SPAG9: variants seen among roughly 807,000 people sequenced by gnomAD.
The protein encoded by SPAG9 is C-Jun-amino-terminal kinase-interacting protein 4.
Under a neutral mutation model 166.5 loss-of-function variants are expected in SPAG9, and 35 were observed. The observed-to-expected ratio is 0.21, with a 90% confidence interval of 0.16 to 0.28. The LOEUF is 0.28. SPAG9 is among the 10% of genes least tolerant of loss of function. SPAG9 has a pLI of 1.00. For missense variants in SPAG9, 1,235 were observed against 1,603.3 expected (o/e 0.77, Z 3.92); for synonymous variants, 534 against 565.5 (o/e 0.94, Z 0.79).
chr17:50,977,097 A>G lies in SPAG9; in HGVS notation c.3523+11T>C. The G allele has an allele frequency of 6.6e-7, 1 of 1,526,622 alleles. No homozygotes were observed. Among genetic ancestry groups the G allele is most frequent in the Admixed American group, 1.7e-5 (1 of 58,900 alleles). The allele number at this position is 1,526,622 out of a possible 1,614,324, so 94.6% of individuals were successfully genotyped here. A position where few individuals can be genotyped will look rare whatever the true frequency, so the allele number is the denominator to read the frequency against. The stretch of plus-strand genomic sequence containing the variant: ...ATTTGTTCCATGGCAGTTATCTAAA[A>G]ATATACTTACTTTCTGTCAATGGGA... On this transcript the variant is annotated intron_variant, in intron 27 of 29. Transcript: ENST00000262013.
chr17:51,024,001 G>A (rs896883053), intron 6 of SPAG9, among the ~76,000 whole-genome samples: 1 of 152,142 alleles, frequency 6.6e-6, no homozygotes, highest in African/African-American at 2.4e-5. Flanking sequence ...AATACAATAC[G>A]AAAGGCATTA....
chr17:50,997,863 T>C (rs1012864437), intron 15 of SPAG9, among the ~76,000 whole-genome samples: 1 of 152,062 alleles, frequency 6.6e-6, no homozygotes, highest in Admixed American at 6.5e-5. Context: ...CTAAAGGCCA[T>C]TCACATTTCT....
intron 2 of SPAG9, among the ~76,000 whole-genome samples, chr17:51,074,250 A>T (rs1163098618): frequency 6.6e-6 from 1 of 150,954 alleles, no homozygotes; most frequent in African/African-American, 2.4e-5. Flanking sequence ...AAATAAAAAC[A>T]AAACAAAACA....
At chr17:51,015,669 A>G (rs941929042) in intron 8 of SPAG9, among the ~76,000 whole-genome samples, 1 of 152,132 alleles carries the variant, frequency 6.6e-6, no homozygotes, top group Non-Finnish European at 1.5e-5. Flanking sequence ...TTCGTAAAAT[A>G]GCAAGATGGT....
intron 3 of SPAG9, among the ~76,000 whole-genome samples, chr17:51,054,157 C>T (rs2047290988): frequency 8.1e-6 from 1 of 123,622 alleles, no homozygotes; most frequent in Admixed American, 1.0e-4. Flanking sequence ...GGGTCTGTTG[C>T]CCAGGCTGGA....
At chr17:51,077,216 C>T (rs778305357) in intron 2 of SPAG9, among the ~76,000 whole-genome samples, 1 of 150,288 alleles carries the variant, frequency 6.7e-6, no homozygotes, top group Non-Finnish European at 1.5e-5. Flanking sequence ...CTCCACCTCC[C>T]GGGGTCAAGC....
At chr17:51,095,297 A>G (rs145010459) in intron 1 of SPAG9, among the ~76,000 whole-genome samples, 2 of 66,398 alleles carry the variant, frequency 3.0e-5, no homozygotes, top group African/African-American at 8.2e-5. Context: ...CTCCATCTTT[A>G]AAAAAAAAAA....
In SPAG9 at chr17:51,120,229, G is replaced by A; in HGVS notation, c.303+125C>T. On this transcript the variant is annotated intron_variant, in intron 1 of 29. Coordinates refer to ENST00000262013, the MANE Select transcript of SPAG9 (RefSeq NM_001130528.3). The surrounding 1 kb of genome is among the most constrained non-coding windows in gnomAD (Gnocchi z 4.7). ...GAGGCCGCCGGGATCGGTCCCAGGGGGCATCGGCCTCAGGCCCGCCCTCCA... is the reference window on the plus strand; with the variant it reads ...GAGGCCGCCGGGATCGGTCCCAGGGAGCATCGGCCTCAGGCCCGCCCTCCA... 2.4e-6 allele frequency: 2 copies of A among 820,714 alleles called. No homozygotes were observed. The highest frequency in any genetic ancestry group is 3.1e-5 in the East Asian group (1 of 32,204). 50.8% of individuals were successfully genotyped at this position (820,714 alleles called of 1,614,324 possible). A position where few individuals can be genotyped will look rare whatever the true frequency, so the allele number is the denominator to read the frequency against.
intron 3 of SPAG9, among the ~76,000 whole-genome samples, chr17:51,055,044 A>T (rs1208840662): frequency 1.3e-5 from 2 of 152,100 alleles, no homozygotes; most frequent in Non-Finnish European, 2.9e-5. Context: ...ACATTTTTTT[A>T]AATAAATAAA....
intron 9 of SPAG9, chr17:51,009,125 A>G (rs1398668408): frequency 2.2e-6 from 1 of 450,992 alleles, no homozygotes; most frequent in Admixed American, 2.4e-5. Context: ...TCAAAATCAT[A>G]CACACCAGAA....
At chr17:51,063,607 G>A (rs1425823059) in intron 2 of SPAG9, among the ~76,000 whole-genome samples, 2 of 152,122 alleles carry the variant, frequency 1.3e-5, no homozygotes, top group Non-Finnish European at 2.9e-5. Flanking sequence ...GCCAGGGCCA[G>A]TTGTAGTGGC....
intron 27 of SPAG9, 184 bp downstream of exon 27, chr17:50,976,924 G>A (rs1319313484): frequency 3.9e-6 from 2 of 507,534 alleles, no homozygotes; most frequent in East Asian, 3.4e-5. Flanking sequence ...TTAATTATGA[G>A]TATTGGTCTT....
rs200650276 is a variant in SPAG9 at position 50,970,665 on chromosome 17, T to G, written c.3850+42A>C. The G allele has an allele frequency of 7.0e-6, 11 of 1,567,640 alleles. No homozygotes were observed. The Admixed American group carries it at 1.9e-4, about 27-fold the overall frequency. Reference sequence around the variant, plus strand: ...TTACTTTGGGACAAAACCCAAGTCATAGCACACAGTGCAAACTGAGCACCC... The same window carrying G: ...TTACTTTGGGACAAAACCCAAGTCAGAGCACACAGTGCAAACTGAGCACCC... On this transcript the variant is annotated intron_variant, in intron 29 of 29. Coordinates refer to ENST00000262013, the MANE Select transcript of SPAG9 (RefSeq NM_001130528.3).
At chr17:50,975,638 G>T (rs1218282387) in intron 27 of SPAG9, among the ~76,000 whole-genome samples, 1 of 151,602 alleles carries the variant, frequency 6.6e-6, no homozygotes, top group African/African-American at 2.4e-5. Flanking sequence ...AAGTCTGAAA[G>T]AAAGTTCAGC....
intron 1 of SPAG9, among the ~76,000 whole-genome samples, chr17:51,113,878 C>T (rs1371232455): frequency 6.6e-6 from 1 of 151,758 alleles, no homozygotes; most frequent in Non-Finnish European, 1.5e-5. Context: ...TCCTGTAGTC[C>T]CAGCTATTCC....
intron 2 of SPAG9, among the ~76,000 whole-genome samples, chr17:51,073,193 T>C (rs1005785319): frequency 1.3e-4 from 19 of 151,650 alleles, no homozygotes; most frequent in African/African-American, 4.4e-4. Flanking sequence ...CCGGGCGTGG[T>C]GGTGGGCGCC....
At chr17:51,002,828 C>A (rs1216542272) in intron 12 of SPAG9, among the ~76,000 whole-genome samples, 1 of 152,024 alleles carries the variant, frequency 6.6e-6, no homozygotes, top group Non-Finnish European at 1.5e-5. Context: ...CGATGGTCCA[C>A]GCCTATAATC....
In SPAG9 at chr17:51,041,494, A is replaced by G. The variant is rs775752393; in HGVS notation, c.741+7T>C. On this transcript the variant is annotated splice_region_variant and intron_variant, in intron 5 of 29. Transcript: ENST00000262013. ...AACTGACACAATTTCAGCAGCATAA[A>G]GCTTACCTTCAGGCTGGTATGAGAA... The G allele has an allele frequency of 6.2e-7, 1 of 1,611,990 alleles. No individual in the cohort carries two copies. Among genetic ancestry groups the G allele is most frequent in the Non-Finnish European group, 8.5e-7 (1 of 1,179,226 alleles).
chr17:51,019,864 C>CA (rs2045869356), intron 8 of SPAG9, among the ~76,000 whole-genome samples: 1 of 152,072 alleles, frequency 6.6e-6, no homozygotes, highest in Non-Finnish European at 1.5e-5. Context: ...AAAAAATAAA[C>CA]AAATAAATAA....
Sources: gnomAD v4.1 joint callset for allele counts (sites outside exome capture counted in the v4.1 genomes callset) on GRCh38, gnomAD v4.1.1 for gene constraint, Gnocchi (gnomAD v3.1) non-coding constraint, MANE v1.5 for transcripts, NCBI Gene and HGNC (gene_info 2026-07-23, HGNC 2026-07-21) for gene names.